Variants in UPF2 observed in about 807,000 individuals in gnomAD.
The protein encoded by UPF2 is UPF2 regulator of nonsense mediated mRNA decay, also known as regulator of nonsense transcripts 2.
Under a neutral mutation model 141.4 loss-of-function variants are expected in UPF2, and 17 were observed. The ratio of observed to expected loss-of-function variants is 0.12; its 90% CI spans 0.08 to 0.18. UPF2 has a LOEUF of 0.18. Ranked by LOEUF, UPF2 falls within the 10% of genes least tolerant of loss-of-function variation. The probability of loss-of-function intolerance (pLI) is 1.00; values close to 1 mark genes in which losing one functional copy is unlikely to be tolerated. For missense variants in UPF2, 1,152 were observed against 1,515.9 expected (o/e 0.76, Z 3.99); for synonymous variants, 540 against 498.0 (o/e 1.08, Z -1.12).
chr10:11,945,847 G>C (rs1335093444), intron 16 of UPF2, among the ~76,000 whole-genome samples: 2 of 152,042 alleles, frequency 1.3e-5, no homozygotes, highest in Non-Finnish European at 2.9e-5. Flanking sequence ...ACAACCATAA[G>C]ATTAGTCTGA....
intron 2 of UPF2, 81 bp downstream of exon 2, chr10:12,034,978 A>T: frequency 6.7e-7 from 1 of 1,500,464 alleles, no homozygotes; most frequent in Non-Finnish European, 8.8e-7. Flanking sequence ...CCAGGACGCT[A>T]TATTTCAAAT....
Position 11,938,868 on chromosome 10 carries a change from T to G in UPF2, c.3379-2156A>C, listed in dbSNP as rs866573084. 6.1e-3 allele frequency among the ~76,000 whole-genome samples: 555 copies of G among 90,708 alleles called. 1 individual carries two copies. Among genetic ancestry groups the G allele is most frequent in the South Asian group, 0.013 (26 of 2,040 alleles). The allele number at this position is 90,708 out of a possible 152,430, so 59.5% of individuals were successfully genotyped here. ...TTTTTTTTTTGTTTTTTTTTTTTTTTTTTTTTTTTTTTTTGGAGACGGAGT... is the reference window on the plus strand; with the variant it reads ...TTTTTTTTTTGTTTTTTTTTTTTTTGTTTTTTTTTTTTTTGGAGACGGAGT... On this transcript the variant is annotated intron_variant, in intron 18 of 21. Coordinates refer to ENST00000357604, the MANE Select transcript of UPF2 (RefSeq NM_015542.4).
In UPF2 at chr10:12,019,669, A is replaced by T. The variant is rs889977397; in HGVS notation, c.1146-5485T>A. Among the ~76,000 whole-genome samples the T allele has an allele frequency of 5.9e-5, 9 of 152,208 alleles. No homozygotes were observed. Among genetic ancestry groups the T allele is most frequent in the Non-Finnish European group, 1.0e-4 (7 of 68,040 alleles). On this transcript the variant is annotated intron_variant, in intron 3 of 21. Transcript: ENST00000357604. The surrounding 1 kb of genome is among the most constrained non-coding windows in gnomAD (Gnocchi z 4.5). Reference sequence around the variant, plus strand: ...TTCCTTTCGGCAACATACGTGAGACATCACTGTCCAGAAGAATCTCTAAAG... The same window carrying T: ...TTCCTTTCGGCAACATACGTGAGACTTCACTGTCCAGAAGAATCTCTAAAG...
rs1299220428 is a variant in UPF2, at chr10:11,999,909, G to C, written c.1755C>G (p.Asp585Glu). ...LPNCVNRDLI[D>E]KAAMDFCMNM... ...AGTTACACAGAGATACCAATACCTTGTCTATCAGATCTCGGTTGACACAGT... is the reference window on the plus strand; with the variant it reads ...AGTTACACAGAGATACCAATACCTTCTCTATCAGATCTCGGTTGACACAGT... The change falls in exon 7 of 22, where the codon GAC becomes GAG. Residue 585 changes from aspartate (D) to glutamate (E), a missense_variant. By Grantham distance (45) the Asp-to-Glu change is conservative. This residue lies in a region of UPF2 where 739 missense variants were observed against 1,032.2 expected (regional missense o/e 0.72). Transcript: ENST00000357604. 6.2e-7 allele frequency: 1 copy of C among 1,612,844 alleles called. No homozygotes were observed. The highest frequency in any genetic ancestry group is 8.5e-7 in the Non-Finnish European group (1 of 1,179,074).
intron 4 of UPF2, among the ~76,000 whole-genome samples, chr10:12,008,011 T>C (rs1360690253): frequency 6.6e-6 from 1 of 151,800 alleles, no homozygotes; most frequent in Non-Finnish European, 1.5e-5. Context: ...GTCTCCCAAG[T>C]AGCTGGGATT....
intron 14 of UPF2, among the ~76,000 whole-genome samples, chr10:11,952,691 T>G (rs940713141): frequency 3.2e-4 from 48 of 152,052 alleles, no homozygotes; most frequent in South Asian, 8.3e-4. Flanking sequence ...AGCCAGGATG[T>G]TCTCAATCTC....
chr10:11,999,991 G>A lies in UPF2; in HGVS notation c.1673C>T (p.Ala558Val), dbSNP rs149796857. The change falls in exon 7 of 22, where the codon GCC becomes GTC. Residue 558 changes from alanine to valine, a missense_variant. Around this residue, in one of 4 missense-constraint regions of UPF2, gnomAD observed 739 missense variants for 1,032.2 expected, o/e 0.72. Coordinates refer to ENST00000357604, the MANE Select transcript of UPF2 (RefSeq NM_015542.4). Reference sequence around the variant, plus strand: ...GAGCTTGAGATGAGATCCAGTGCTGGCTTCCTCATCTTCTTGTTCTAATGT... The same window carrying A: ...GAGCTTGAGATGAGATCCAGTGCTGACTTCCTCATCTTCTTGTTCTAATGT... ...LDEQEQEDEE[A>V]STGSHLKLIV... 2.5e-6 allele frequency: 4 copies of A among 1,607,434 alleles called. No homozygotes were observed. Among genetic ancestry groups the A allele is most frequent in the Non-Finnish European group, 3.4e-6 (4 of 1,178,000 alleles).
intron 8 of UPF2, among the ~76,000 whole-genome samples, chr10:11,990,678 CAA>C (rs10650923): frequency 1.9e-4 from 19 of 98,004 alleles, no homozygotes; most frequent in Non-Finnish European, 2.1e-4. Flanking sequence ...GACTCTGTCT[CAA>C]AAAAAAAAAA....
At chr10:12,022,081 A>G (rs1314605622) in intron 3 of UPF2, among the ~76,000 whole-genome samples, 1 of 152,082 alleles carries the variant, frequency 6.6e-6, no homozygotes, top group African/African-American at 2.4e-5. Context: ...TGGAAGTTGC[A>G]GTGAGCCAGG....
At position 11,929,645 on chromosome 10, in the gene UPF2, A is replaced by G. The variant is rs140161737; in HGVS notation, c.3809+220T>C. Among the ~76,000 whole-genome samples the G allele has an allele frequency of 1.7e-4, 26 of 152,274 alleles. 1 individual carries two copies. In the East Asian group the frequency reaches 4.8e-3, roughly 28 times the overall value. On this transcript the variant is annotated intron_variant, in intron 21 of 21. Coordinates refer to ENST00000357604, the MANE Select transcript of UPF2 (RefSeq NM_015542.4). ...GACAGAGCAAGACCTTGTCTCAAAA[A>G]ATAAAAATAAAAATAAAAAAAACAG...
intron 1 of UPF2, among the ~76,000 whole-genome samples, chr10:12,038,157 C>T (rs1368747105): frequency 1.3e-5 from 2 of 152,006 alleles, no homozygotes; most frequent in Non-Finnish European, 2.9e-5. Flanking sequence ...CCAAGGTGGG[C>T]GGATCACCTG....
At chr10:11,933,646 G>C (rs1014949272) in intron 19 of UPF2, among the ~76,000 whole-genome samples, 6 of 152,080 alleles carry the variant, frequency 3.9e-5, no homozygotes, top group African/African-American at 1.4e-4. Context: ...ATACAATTTA[G>C]AATTTCAGAC....
chr10:12,023,393 G>C (rs557764680), intron 3 of UPF2, among the ~76,000 whole-genome samples: 1 of 151,560 alleles, frequency 6.6e-6, no homozygotes, highest in Admixed American at 6.6e-5. Flanking sequence ...AATAATATTC[G>C]GCTGGGCATG....
chr10:11,953,906 G>GT lies in UPF2; in HGVS notation c.2850+1325dup, dbSNP rs1413829788. On this transcript the variant is annotated intron_variant, in intron 14 of 21. Coordinates refer to ENST00000357604, the MANE Select transcript of UPF2 (RefSeq NM_015542.4). This position sits in a 1 kb window ranked among gnomAD's most constrained non-coding sequence, Gnocchi z 5.0. ...ACTTAACACACGCCACCATGTGGAT[G>GT]TATTTTTGATACTTCAAGTTACATT... 6.6e-6 allele frequency among the ~76,000 whole-genome samples: 1 copy of GT among 152,160 alleles called. No homozygotes were observed. The highest frequency in any genetic ancestry group is 1.9e-4 in the East Asian group (1 of 5,196).
chr10:12,020,443 G>A (rs548114359), intron 3 of UPF2, among the ~76,000 whole-genome samples: 5 of 152,076 alleles, frequency 3.3e-5, no homozygotes, highest in African/African-American at 9.6e-5. Context: ...TAGAGACAGC[G>A]TTTCTCCATA....
intron 7 of UPF2, 146 bp from the exon 8 acceptor site, chr10:11,997,903 T>C: frequency 1.3e-6 from 1 of 742,272 alleles, no homozygotes; most frequent in Non-Finnish European, 2.1e-6. Context: ...AGGAAAGTTT[T>C]CTGATAGAGC....
chr10:12,017,007 G>C (rs1238779063), intron 3 of UPF2, among the ~76,000 whole-genome samples: 1 of 145,494 alleles, frequency 6.9e-6, no homozygotes, highest in African/African-American at 2.6e-5. Flanking sequence ...GCAACAGAGC[G>C]AGACTCCATC....
intron 8 of UPF2, among the ~76,000 whole-genome samples, chr10:11,985,326 C>T (rs1209323801): frequency 1.3e-5 from 2 of 152,086 alleles, no homozygotes; most frequent in Non-Finnish European, 2.9e-5. Flanking sequence ...AGTTATTCAA[C>T]GTTAGTCCTG....
At chr10:11,937,664 C>T (rs772540547) in intron 18 of UPF2, among the ~76,000 whole-genome samples, 10 of 152,080 alleles carry the variant, frequency 6.6e-5, no homozygotes, top group South Asian at 2.1e-4. Flanking sequence ...CAAAGAGGGA[C>T]GAGCTGAATG....
Sources: allele counts gnomAD v4.1 joint callset (sites outside exome capture counted in the v4.1 genomes callset), GRCh38; gene constraint gnomAD v4.1.1; regional missense constraint gnomAD v4.1.1; non-coding constraint Gnocchi (gnomAD v3.1); transcripts MANE v1.5; gene names NCBI Gene and HGNC (gene_info 2026-07-23, HGNC 2026-07-21).